The following WASHC3 variants were observed in gnomAD, a reference collection of about 807,000 sequenced individuals.
WASHC3 encodes the protein WASH complex subunit 3.
A neutral mutation model predicts 26.1 loss-of-function variants in WASHC3; 24 were observed. The observed-to-expected ratio is 0.92, with a 90% CI of 0.66 to 1.29. The LOEUF (loss-of-function observed/expected upper bound fraction) is 1.29. Ranked by LOEUF, WASHC3 falls within the 50% of genes most tolerant of loss-of-function variation. The probability of loss-of-function intolerance (pLI) is 0.00; values close to 1 mark genes in which losing one functional copy is unlikely to be tolerated. For synonymous variants in WASHC3, 77 were observed against 75.7 expected (o/e 1.02, Z -0.09); for missense variants, 214 against 229.6 (o/e 0.93, Z 0.44).
chr12:102,035,856 T>A (rs895797593), intron 5 of WASHC3, among the ~76,000 whole-genome samples: 2 of 152,180 alleles, frequency 1.3e-5, no homozygotes, highest in Non-Finnish European at 2.9e-5. Context: ...GGTAAAGTCA[T>A]TGGATAGGTC....
At chr12:102,048,313 T>A (rs1225051728) in intron 2 of WASHC3, 1 of 152,314 alleles carries the variant, frequency 6.6e-6, no homozygotes, top group South Asian at 2.1e-4. Context: ...CAATGGCTCA[T>A]GCCTGTAATC....
intron 5 of WASHC3, among the ~76,000 whole-genome samples, chr12:102,026,372 G>C (rs558517235): frequency 1.3e-5 from 2 of 152,224 alleles, no homozygotes; most frequent in Admixed American, 1.3e-4. Flanking sequence ...TAAAATACCA[G>C]TGGAAGCCAT....
At chr12:102,058,924 G>T (rs552898765) in intron 2 of WASHC3, among the ~76,000 whole-genome samples, 130 of 152,248 alleles carry the variant, frequency 8.5e-4, no homozygotes, top group African/African-American at 2.9e-3. Context: ...GGAAGACATT[G>T]TGTTAAATGA....
intron 2 of WASHC3, chr12:102,050,469 C>CACACAA (rs1878347556): frequency 2.4e-6 from 1 of 412,546 alleles, no homozygotes; most frequent in African/African-American, 2.1e-5. Context: ...CACACACACA[C>CACACAA]ACACACACAC....
chr12:102,061,685 T>TG (rs1238965747), intron 1 of WASHC3, among the ~76,000 whole-genome samples: 4 of 152,088 alleles, frequency 2.6e-5, no homozygotes, highest in Non-Finnish European at 5.9e-5. Context: ...ACAAGCGAGA[T>TG]GGGAAGCGAC....
At chr12:102,056,358 G>A (rs1233412649) in intron 2 of WASHC3, among the ~76,000 whole-genome samples, 1 of 152,122 alleles carries the variant, frequency 6.6e-6, no homozygotes, top group Non-Finnish European at 1.5e-5. Context: ...CACAGTACTG[G>A]AGACCATTGC....
At chr12:102,032,006 T>C (rs1250331505) in intron 5 of WASHC3, among the ~76,000 whole-genome samples, 1 of 152,188 alleles carries the variant, frequency 6.6e-6, no homozygotes. Context: ...AAGACTTTAA[T>C]TACTCTTACA....
At chr12:102,027,010 C>T (rs546472918) in intron 5 of WASHC3, among the ~76,000 whole-genome samples, 1 of 152,306 alleles carries the variant, frequency 6.6e-6, no homozygotes, top group South Asian at 2.1e-4. Context: ...CTTCTTTTAT[C>T]ATTAGCCAGT....
intron 5 of WASHC3, among the ~76,000 whole-genome samples, chr12:102,038,756 T>G (rs989775962): frequency 1.3e-5 from 2 of 152,102 alleles, no homozygotes; most frequent in African/African-American, 4.8e-5. Context: ...AAAAGAACTG[T>G]GGAAGTGAAA....
intron 2 of WASHC3, among the ~76,000 whole-genome samples, chr12:102,056,722 A>T (rs371726431): frequency 1.7e-4 from 26 of 152,320 alleles, no homozygotes; most frequent in African/African-American, 5.0e-4. Flanking sequence ...ATCATAAAGA[A>T]ATAGGTAATC....
upstream of WASHC3, chr12:102,062,015 G>C: frequency 6.7e-7 from 1 of 1,481,494 alleles, no homozygotes; most frequent in Non-Finnish European, 9.3e-7. Context: ...TCCCAGATGG[G>C]GCCCGCCCAA....
chr12:102,053,026 C>T (rs192119191), intron 2 of WASHC3, among the ~76,000 whole-genome samples: 249 of 152,156 alleles, frequency 1.6e-3, no homozygotes, highest in Non-Finnish European at 3.1e-3. Context: ...TGGGACCACC[C>T]CAGTAGATTG....
At chr12:102,021,699 T>C (rs1331684067) in intron 6 of WASHC3, among the ~76,000 whole-genome samples, 4 of 152,174 alleles carry the variant, frequency 2.6e-5, no homozygotes, top group Non-Finnish European at 5.9e-5. Context: ...GTTGTGCAAC[T>C]GAGATCTAAT....
intron 6 of WASHC3, among the ~76,000 whole-genome samples, chr12:102,021,100 AC>A (rs1483266536): frequency 6.6e-6 from 1 of 152,110 alleles, no homozygotes; most frequent in Admixed American, 6.5e-5. Flanking sequence ...AAAAACAAAA[AC>A]AAAAACAAAA....
At chr12:102,056,597 TA>T (rs904099585) in intron 2 of WASHC3, among the ~76,000 whole-genome samples, 5 of 152,168 alleles carry the variant, frequency 3.3e-5, no homozygotes, top group African/African-American at 1.2e-4. Context: ...ACTTTACAAT[TA>T]AAACAAAAGA....
At position 102,012,999 on chromosome 12, in the gene WASHC3, G is replaced by T; in HGVS notation, c.*109C>A. The T allele has an allele frequency of 3.6e-6, 2 of 554,270 alleles. No individual in the cohort carries two copies. The highest frequency in any genetic ancestry group is 6.4e-6 in the Non-Finnish European group (2 of 314,798). 34.3% of individuals were successfully genotyped at this position (554,270 alleles called of 1,614,324 possible). ...TTAACATAGAAGAAGCTTGGTAGTG[G>T]ACATGTGGCCATTTGATGTTTTTAT... On this transcript the variant is annotated 3_prime_UTR_variant, in exon 7 of 7. Coordinates refer to ENST00000240079, the MANE Select transcript of WASHC3 (RefSeq NM_016053.4).
At chr12:102,044,009 G>T in intron 4 of WASHC3, 96 bp downstream of exon 4, 1 of 542,622 alleles carries the variant, frequency 1.8e-6, no homozygotes, top group Non-Finnish European at 3.3e-6. Flanking sequence ...TTTACTATTA[G>T]AAGTTTTACA....
intron 4 of WASHC3, chr12:102,043,686 T>A (rs1400740935): frequency 1.3e-5 from 2 of 152,454 alleles, no homozygotes; most frequent in Non-Finnish European, 1.5e-5. Flanking sequence ...GATGACAAGA[T>A]GTCTGGAATT....
intron 4 of WASHC3, among the ~76,000 whole-genome samples, chr12:102,043,364 G>A (rs1380241668): frequency 1.3e-5 from 2 of 152,074 alleles, no homozygotes; most frequent in African/African-American, 4.8e-5. Flanking sequence ...CTGCCTCGTG[G>A]GCTCAAGTGA....
Sources: gnomAD v4.1 joint callset for allele counts (sites outside exome capture counted in the v4.1 genomes callset) on GRCh38, gnomAD v4.1.1 for gene constraint, MANE v1.5 for transcripts, NCBI Gene and HGNC (gene_info 2026-07-23, HGNC 2026-07-21) for gene names.